LOC400499: variants seen among roughly 807,000 people sequenced by gnomAD.
chr16:11,442,223 A>ATATTT, the LOC400499 span: 2 of 152,140 alleles, frequency 1.3e-5, no homozygotes, highest in African/African-American at 2.4e-5. Context: ...ATTCTATTTT[A>ATATTT]TATTTTATTT....
At chr16:11,524,361 G>GCCCCCCCCCCCCCCC in the LOC400499 span, among the ~76,000 whole-genome samples, 9 of 93,736 alleles carry the variant, frequency 9.6e-5, no homozygotes, top group East Asian at 3.1e-4. Context: ...CATCCACCCA[G>GCCCCCCCCCCCCCCC]CCACCCACCC....
At chr16:11,478,842 G>A in the LOC400499 span, among the ~76,000 whole-genome samples, 1 of 152,140 alleles carries the variant, frequency 6.6e-6, no homozygotes, top group African/African-American at 2.4e-5. Context: ...CATGGGGGCG[G>A]GTCCTTCCCG....
chr16:11,391,680 CGCAGCTGCTCCAGCCCCACCT>C, the LOC400499 span: 3 of 1,232,252 alleles, frequency 2.4e-6, no homozygotes, highest in Non-Finnish European at 3.0e-6. Flanking sequence ...CAGCTCCTCC[CGCAGCTGCTCCAGCCCCACCT>C]GCAGCCACTC....
At chr16:11,527,053 G>A in the LOC400499 span, among the ~76,000 whole-genome samples, 29 of 152,348 alleles carry the variant, frequency 1.9e-4, no homozygotes, top group Middle Eastern at 3.4e-3. Context: ...GGCGCATCTG[G>A]ACTGCCCCTT....
chr16:11,515,850 GGCCCAGCCCAGCCCAGCCCA>G, the LOC400499 span: 3 of 221,444 alleles, frequency 1.4e-5, no homozygotes, highest in South Asian at 2.6e-4. Flanking sequence ...TCAGGGGCCC[GGCCCAGCCCAGCCCAGCCCA>G]GCCCAGCCCA....
At chr16:11,521,809 G>A in the LOC400499 span, 356 of 395,886 alleles carry the variant, frequency 9.0e-4, 1 homozygote, top group African/African-American at 6.3e-3. Context: ...TTCCTCCCAA[G>A]GGTCCTCACT....
the LOC400499 span, chr16:11,401,496 C>G: frequency 1.0e-5 from 4 of 398,784 alleles, no homozygotes; most frequent in Middle Eastern, 6.2e-4. Flanking sequence ...CCATCGAGGT[C>G]AAGGCTGCAA....
the LOC400499 span, among the ~76,000 whole-genome samples, chr16:11,519,257 A>G: frequency 6.6e-6 from 1 of 152,212 alleles, no homozygotes; most frequent in Non-Finnish European, 1.5e-5. Flanking sequence ...AGGACTATAT[A>G]GCACCAACAA....
chr16:11,492,191 C>T, the LOC400499 span, among the ~76,000 whole-genome samples: 2 of 152,134 alleles, frequency 1.3e-5, no homozygotes, highest in Non-Finnish European at 2.9e-5. Flanking sequence ...TAGGCAATTC[C>T]TAAGCAATTC....
chr16:11,497,506 G>A, the LOC400499 span, among the ~76,000 whole-genome samples: 4,188 of 152,328 alleles, frequency 0.027, 143 homozygotes, highest in East Asian at 0.17. Context: ...CAAGAAAGGC[G>A]GCGGGGGCAC....
the LOC400499 span, among the ~76,000 whole-genome samples, chr16:11,490,224 T>C: frequency 5.9e-5 from 9 of 151,620 alleles, no homozygotes; most frequent in South Asian, 1.3e-3. Context: ...GGCAAAACCA[T>C]CTCTACTAAA....
At chr16:11,373,900 A>G in the LOC400499 span, among the ~76,000 whole-genome samples, 2 of 152,162 alleles carry the variant, frequency 1.3e-5, no homozygotes, top group Admixed American at 6.6e-5. Context: ...CATTACAGGC[A>G]TGAGTGACCT....
At chr16:11,479,058 C>G in the LOC400499 span, among the ~76,000 whole-genome samples, 509 of 152,190 alleles carry the variant, frequency 3.3e-3, 2 homozygotes, top group Non-Finnish European at 5.2e-3. Flanking sequence ...TTGCCCAGTC[C>G]CTGGTATATC....
the LOC400499 span, among the ~76,000 whole-genome samples, chr16:11,470,321 A>G: frequency 2.0e-5 from 3 of 152,144 alleles, no homozygotes; most frequent in East Asian, 5.8e-4. Context: ...CACTGCAGCC[A>G]AAACTCCCAG....
At chr16:11,490,581 G>C in the LOC400499 span, among the ~76,000 whole-genome samples, 1 of 151,898 alleles carries the variant, frequency 6.6e-6, no homozygotes, top group South Asian at 2.1e-4. Flanking sequence ...GCCACCTGTA[G>C]TCCTAGCTAC....
At chr16:11,485,640 T>C in the LOC400499 span, among the ~76,000 whole-genome samples, 1 of 152,212 alleles carries the variant, frequency 6.6e-6, no homozygotes, top group Non-Finnish European at 1.5e-5. Flanking sequence ...CCACCTTCCA[T>C]CTTTTCTTTC....
chr16:11,461,981 G>T, the LOC400499 span: 1 of 796,466 alleles, frequency 1.3e-6, no homozygotes, highest in Non-Finnish European at 1.8e-6. Context: ...GGCTCACATG[G>T]AGCTTGGATC....
the LOC400499 span, chr16:11,384,462 C>T: frequency 2.3e-6 from 1 of 439,038 alleles, no homozygotes. Context: ...CCACCTCCAC[C>T]CCGGACTCCT....
At chr16:11,452,703 C>T in the LOC400499 span, among the ~76,000 whole-genome samples, 2 of 152,362 alleles carry the variant, frequency 1.3e-5, no homozygotes, top group Non-Finnish European at 2.9e-5. Context: ...GGCTCCTGGG[C>T]CTCTGGGTGG....
Sources: allele counts gnomAD v4.1 joint callset (sites outside exome capture counted in the v4.1 genomes callset), GRCh38; gene constraint gnomAD v4.1.1; transcripts MANE v1.5.